Variants in BTG4 observed in about 807,000 individuals in gnomAD.
BTG4 encodes the protein protein BTG4.
BTG4 carries 10 observed loss-of-function variants against 19.3 expected under a neutral mutation model. The observed-to-expected ratio is 0.52, with a 90% CI of 0.32 to 0.88. The LOEUF is 0.88. Ranked by LOEUF, BTG4 falls within the 40% of genes least tolerant of loss-of-function variation. BTG4 has a pLI of 0.04. For missense variants in BTG4, 238 were observed against 281.9 expected, an observed-to-expected ratio of 0.84 and a Z score of 1.11; for synonymous variants, 91 against 95.7, an observed-to-expected ratio of 0.95 and a Z score of 0.29.
At chr11:111,468,851 C>T (rs1196936165) in intron 5 of BTG4, among the ~76,000 whole-genome samples, 1 of 152,004 alleles carries the variant, frequency 6.6e-6, no homozygotes, top group Non-Finnish European at 1.5e-5. Flanking sequence ...ACAGAATCAC[C>T]CCCTTGTGAT....
chr11:111,396,889 C>G, the BTG4 span: 1 of 152,082 alleles, frequency 6.6e-6, no homozygotes, highest in South Asian at 2.1e-4. Flanking sequence ...TCCATGGTGC[C>G]CAGGAGTGTT....
chr11:111,461,691 GCAA>G, the BTG4 span, among the ~76,000 whole-genome samples: 1 of 152,118 alleles, frequency 6.6e-6, no homozygotes, highest in Non-Finnish European at 1.5e-5. Context: ...TCCAGCCTCA[GCAA>G]CAACATGAGA....
At chr11:111,425,444 G>A in the BTG4 span, among the ~76,000 whole-genome samples, 1 of 152,208 alleles carries the variant, frequency 6.6e-6, no homozygotes, top group Non-Finnish European at 1.5e-5. Flanking sequence ...ACCATTTAAG[G>A]AGCCTGGGGA....
chr11:111,421,791 C>T, the BTG4 span, among the ~76,000 whole-genome samples: 140,088 of 152,132 alleles, frequency 0.92, 64,845 homozygotes, highest in East Asian at 1. Flanking sequence ...CAGGGGCCTG[C>T]AATCCCAGCT....
At chr11:111,426,478 G>A in the BTG4 span, among the ~76,000 whole-genome samples, 2 of 152,182 alleles carry the variant, frequency 1.3e-5, no homozygotes, top group African/African-American at 4.8e-5. Context: ...AATATGGCAG[G>A]GATAGGGAAA....
the BTG4 span, among the ~76,000 whole-genome samples, chr11:111,424,117 T>G: frequency 6.6e-6 from 1 of 152,178 alleles, no homozygotes. Context: ...AAGAAACATG[T>G]TCTTCAGAGA....
chr11:111,455,949 T>G, the BTG4 span: 1 of 382,664 alleles, frequency 2.6e-6, no homozygotes. Flanking sequence ...ACTAGCCCTG[T>G]AGAAACTCCA....
the BTG4 span, chr11:111,451,406 G>A: frequency 2.2e-6 from 1 of 453,950 alleles, no homozygotes; most frequent in Non-Finnish European, 4.5e-6. Flanking sequence ...GACATCGGAA[G>A]ATGGTTTGTC....
the BTG4 span, among the ~76,000 whole-genome samples, chr11:111,394,038 A>G: frequency 3.3e-5 from 5 of 152,224 alleles, no homozygotes; most frequent in Non-Finnish European, 7.3e-5. Context: ...AGGCTGTTAC[A>G]AGGATCAACT....
the BTG4 span, among the ~76,000 whole-genome samples, chr11:111,438,228 A>C: frequency 4.6e-5 from 7 of 152,134 alleles, no homozygotes; most frequent in African/African-American, 7.2e-5. Flanking sequence ...GAGTCCCTAG[A>C]CCTAACTTTG....
the BTG4 span, among the ~76,000 whole-genome samples, chr11:111,394,438 G>A: frequency 6.6e-6 from 1 of 152,188 alleles, no homozygotes. Context: ...TTTATAAGGG[G>A]AAACCCCTTT....
chr11:111,512,997 C>G (rs1867060251), upstream of BTG4: 2 of 467,610 alleles, frequency 4.3e-6, no homozygotes, highest in Non-Finnish European at 8.9e-6. Context: ...CAATCACTAA[C>G]TCCACTGCCA....
At chr11:111,390,103 C>T in the BTG4 span, among the ~76,000 whole-genome samples, 1 of 152,192 alleles carries the variant, frequency 6.6e-6, no homozygotes. Flanking sequence ...GTAGAAGAGC[C>T]AGGATTATAA....
intron 1 of BTG4, among the ~76,000 whole-genome samples, chr11:111,510,361 C>T (rs1419171319): frequency 6.6e-6 from 1 of 152,204 alleles, no homozygotes; most frequent in Non-Finnish European, 1.5e-5. Context: ...AACCTTGTCT[C>T]TCCTGATAGC....
At chr11:111,437,834 TG>T in the BTG4 span, among the ~76,000 whole-genome samples, 1 of 152,186 alleles carries the variant, frequency 6.6e-6, no homozygotes, top group Non-Finnish European at 1.5e-5. Context: ...TCAGCCTTCC[TG>T]GGTTTTCTTT....
chr11:111,386,867 T>C, the BTG4 span, among the ~76,000 whole-genome samples: 110 of 152,334 alleles, frequency 7.2e-4, no homozygotes, highest in African/African-American at 1.6e-3. Context: ...CTGGCACATG[T>C]ATATCATTTC....
At chr11:111,512,827 C>G (rs1305445454), upstream of BTG4, 1 of 341,534 alleles carries the variant, frequency 2.9e-6, no homozygotes, top group Admixed American at 5.0e-5. Context: ...CCTCGGGGGC[C>G]GCTTGCGCCC....
the BTG4 span, chr11:111,457,058 G>A: frequency 6.5e-6 from 1 of 153,386 alleles, no homozygotes; most frequent in East Asian, 1.9e-4. Flanking sequence ...CTGTATCCCT[G>A]TCCAGGTGGT....
the BTG4 span, among the ~76,000 whole-genome samples, chr11:111,392,176 T>TTG: frequency 1.8e-5 from 2 of 113,886 alleles, no homozygotes; most frequent in African/African-American, 6.8e-5. Flanking sequence ...TTTCTTTTTT[T>TTG]TTTTTTTTTT....
Sources: gnomAD v4.1 joint callset for allele counts (sites outside exome capture counted in the v4.1 genomes callset) on GRCh38, gnomAD v4.1.1 for gene constraint, MANE v1.5 for transcripts, NCBI Gene and HGNC (gene_info 2026-07-23, HGNC 2026-07-21) for gene names.